Variants in C3orf20 observed in about 807,000 individuals in gnomAD.
C3orf20 encodes the protein uncharacterized protein C3orf20.
Under a neutral mutation model 88.3 loss-of-function variants are expected in C3orf20, and 76 were observed. The observed-to-expected ratio is 0.86, with a 90% confidence interval of 0.72 to 1.04. C3orf20 has a LOEUF of 1.04. Among genes scored for constraint, C3orf20 ranks in the 50% least tolerant of loss-of-function variants. The pLI is 0.00. For synonymous variants in C3orf20, 436 were observed against 437.4 expected, an observed-to-expected ratio of 1.00 and a Z score of 0.04; for missense variants, 1,056 against 1,123.3, an observed-to-expected ratio of 0.94 and a Z score of 0.86.
At chr3:14,761,369 C>A (rs1575161931) in intron 14 of C3orf20, 104 bp from the exon 15 acceptor site, 10 of 1,345,404 alleles carry the variant, frequency 7.4e-6, no homozygotes, top group South Asian at 3.7e-5. Flanking sequence ...CTCTGAGAGG[C>A]CTGTGGCGCT....
rs535666748 is a variant in C3orf20, at chr3:14,728,559, T to G, written c.1811T>G (p.Leu604Arg). 6.2e-7 allele frequency: 1 copy of G among 1,614,214 alleles called. No individual in the cohort carries two copies. Among genetic ancestry groups the G allele is most frequent in the East Asian group, 2.2e-5 (1 of 44,884 alleles). The change falls in exon 12 of 17, where the codon CTT becomes CGT. Residue 604 changes from leucine (L) to arginine (R), a missense_variant. Physicochemically the swap from Leu to Arg is moderately radical, Grantham distance 102 (BLOSUM62 -2). Transcript: ENST00000253697. ...PKLSLYSGESLLRSQSGHLES... is the reference protein window; with the variant it reads ...PKLSLYSGESRLRSQSGHLES... Reference sequence around the variant, plus strand: ...CTAAGTTTATACTCAGGAGAAAGTCTTTTACGATCTCAGTCAGGCCACCTG... The same window carrying G: ...CTAAGTTTATACTCAGGAGAAAGTCGTTTACGATCTCAGTCAGGCCACCTG...
chr3:14,755,505 C>G (rs1031970817), intron 12 of C3orf20, among the ~76,000 whole-genome samples: 1 of 152,304 alleles, frequency 6.6e-6, no homozygotes, highest in East Asian at 1.9e-4. Flanking sequence ...TCCCCCACCC[C>G]CTGCTCTGCC....
Position 14,757,485 on chromosome 3 carries a change from C to A in C3orf20, c.2055C>A (p.Cys685Ter). 6.2e-7 allele frequency: 1 copy of A among 1,613,700 alleles called. No individual in the cohort carries two copies. Among genetic ancestry groups the A allele is most frequent in the Non-Finnish European group, 8.5e-7 (1 of 1,179,998 alleles). Residue 685 changes from cysteine (C) to a stop codon, truncating the protein, a stop_gained, in exon 13 of 17, where the codon TGC becomes TGA. Transcript: ENST00000253697. LOFTEE classifies it high-confidence loss of function. ...AAGACACCCGTGCTGGCTGCAAGTG[C>A]CTGGTGAAGGCGCCCCTGGTCTCTG... ...LKEDTRAGCKCLVKAPLVSDV... is the reference protein window; with the variant it reads ...LKEDTRAGCK
At chr3:14,688,597 T>G (rs778492626) in intron 4 of C3orf20, among the ~76,000 whole-genome samples, 1 of 151,574 alleles carries the variant, frequency 6.6e-6, no homozygotes, top group East Asian at 1.9e-4. Flanking sequence ...ATATCCCCTG[T>G]GCTAAGTAGT....
Position 14,715,284 on chromosome 3 carries a change from C to T in C3orf20, c.1314-5C>T, listed in dbSNP as rs1425796910. ...GGCAGCTACTCACTTCTGTATCTCT[C>T]CTAGTTGCCCATATGTCTTAATCTT... On this transcript the variant is annotated splice_polypyrimidine_tract_variant and splice_region_variant and intron_variant, in intron 8 of 16. Coordinates refer to ENST00000253697, the MANE Select transcript of C3orf20 (RefSeq NM_032137.5). The T allele has an allele frequency of 1.9e-6, 3 of 1,611,038 alleles. No homozygotes were observed. Among genetic ancestry groups the T allele is most frequent in the Non-Finnish European group, 2.5e-6 (3 of 1,179,108 alleles).
At chr3:14,722,554 T>C (rs1289081516) in intron 10 of C3orf20, 1 of 456,740 alleles carries the variant, frequency 2.2e-6, no homozygotes. Flanking sequence ...TCTACCACCC[T>C]CTTCTCATCC....
At chr3:14,721,468 C>A (rs534727927) in intron 9 of C3orf20, among the ~76,000 whole-genome samples, 185 bp from the exon 10 acceptor site, 10 of 152,310 alleles carry the variant, frequency 6.6e-5, no homozygotes, top group Admixed American at 5.2e-4. Context: ...TTTCAGTGGG[C>A]CCCCAGGGAA....
chr3:14,746,298 CTGAT>C (rs1470613525), intron 12 of C3orf20, among the ~76,000 whole-genome samples: 3 of 152,010 alleles, frequency 2.0e-5, no homozygotes, highest in Non-Finnish European at 4.4e-5. Context: ...CTGGCAAACT[CTGAT>C]TGATGAGTGA....
At chr3:14,739,867 T>C (rs2034849260) in intron 12 of C3orf20, among the ~76,000 whole-genome samples, 1 of 152,228 alleles carries the variant, frequency 6.6e-6, no homozygotes, top group Non-Finnish European at 1.5e-5. Context: ...GATTTTTCCT[T>C]TGTGGCTTCC....
In C3orf20 at chr3:14,704,669, G is replaced by A. The variant is rs780888967; in HGVS notation, c.1160+51G>A. ...ATCTCCCCAGCTACTCAACCCCAGA[G>A]AAGTCCAGGACTTGATACAGCCTAA... is the stretch of plus-strand genomic sequence containing the variant. On this transcript the variant is annotated intron_variant, in intron 7 of 16. Transcript: ENST00000253697. 7 of 1,592,138 alleles carry A rather than the reference G, an allele frequency of 4.4e-6. No individual in the cohort carries two copies. The African/African-American group carries it at 5.4e-5, about 12-fold the overall frequency.
intron 12 of C3orf20, among the ~76,000 whole-genome samples, chr3:14,746,654 G>A (rs2035066775): frequency 2.0e-5 from 3 of 152,218 alleles, no homozygotes; most frequent in Admixed American, 2.0e-4. Flanking sequence ...ACATTGTGGG[G>A]AAGGTGATGC....
Position 14,707,318 on chromosome 3 carries a change from C to T in C3orf20, c.1160+2700C>T, listed in dbSNP as rs117430616. On this transcript the variant is annotated intron_variant, in intron 7 of 16. Transcript: ENST00000253697. ...AAAGCTGTAAGCTATAATTGATTAG[C>T]ACTTGGCAGCTTCAGACCCCAGACC... 1.4e-3 allele frequency among the ~76,000 whole-genome samples: 213 copies of T among 149,920 alleles called. 8 individuals carry two copies. In the East Asian group the frequency reaches 0.037, roughly 26 times the overall value.
At chr3:14,704,760 T>C (rs1224563775) in intron 7 of C3orf20, 142 bp downstream of exon 7, 1 of 1,009,078 alleles carries the variant, frequency 9.9e-7, no homozygotes, top group African/African-American at 1.6e-5. Flanking sequence ...ATTAAGAGCT[T>C]GTCTAGATCA....
chr3:14,686,193 C>CGTGTGTGT (rs58844982), intron 4 of C3orf20, among the ~76,000 whole-genome samples: 68 of 149,568 alleles, frequency 4.5e-4, no homozygotes, highest in East Asian at 2.4e-3. Flanking sequence ...GAATCATATT[C>CGTGTGTGT]GTGTGTGTGT....
chr3:14,736,524 C>T (rs2034715819), intron 12 of C3orf20, among the ~76,000 whole-genome samples: 1 of 151,888 alleles, frequency 6.6e-6, no homozygotes, highest in Non-Finnish European at 1.5e-5. Context: ...CTCCTGACCT[C>T]AAGTGATCCA....
At chr3:14,725,842 C>CTGAA (rs1475566671) in intron 10 of C3orf20, among the ~76,000 whole-genome samples, 2 of 147,828 alleles carry the variant, frequency 1.4e-5, no homozygotes, top group Non-Finnish European at 3.0e-5. Flanking sequence ...TCTCAAGTTG[C>CTGAA]TGAATGAGTT....
chr3:14,708,881 T>C (rs2033628386), intron 7 of C3orf20, among the ~76,000 whole-genome samples: 1 of 152,196 alleles, frequency 6.6e-6, no homozygotes. Context: ...CGACCTTGAG[T>C]GATCCGCCCA....
chr3:14,758,256 G>A (rs954292192), intron 13 of C3orf20, among the ~76,000 whole-genome samples: 4 of 152,114 alleles, frequency 2.6e-5, no homozygotes, highest in African/African-American at 9.7e-5. Context: ...GGCCATCCAG[G>A]TTAAATGGGG....
intron 10 of C3orf20, among the ~76,000 whole-genome samples, chr3:14,726,235 C>T (rs2034340043): frequency 6.6e-6 from 1 of 152,232 alleles, no homozygotes; most frequent in Admixed American, 6.5e-5. Context: ...GCCCTGGAGT[C>T]AGAATGATCC....
Sources: allele counts gnomAD v4.1 joint callset (sites outside exome capture counted in the v4.1 genomes callset), GRCh38; gene constraint gnomAD v4.1.1; transcripts MANE v1.5; gene names NCBI Gene and HGNC (gene_info 2026-07-23, HGNC 2026-07-21).